The following ADGB variants were observed in gnomAD, a reference collection of about 807,000 sequenced individuals.
ADGB encodes androglobin, also known as calpain-7-like protein.
Under a neutral mutation model 210.5 loss-of-function variants are expected in ADGB, and 172 were observed. The observed-to-expected ratio is 0.82, with a 90% CI of 0.72 to 0.93. The LOEUF is 0.93. ADGB is among the 40% of genes least tolerant of loss of function. ADGB has a pLI of 0.00. For missense variants in ADGB, 2,025 were observed against 1,964.8 expected, an observed-to-expected ratio of 1.03 and a Z score of -0.58; for synonymous variants, 658 against 662.7, an observed-to-expected ratio of 0.99 and a Z score of 0.11.
At chr6:146,785,513 C>T in intron 31 of ADGB, 97 bp from the exon 32 acceptor site, 1 of 825,722 alleles carries the variant, frequency 1.2e-6, no homozygotes, top group Non-Finnish European at 1.9e-6. Flanking sequence ...TCACATTTTC[C>T]TGTTTCGTTT....
chr6:146,648,775 A>C (rs2114876342), intron 3 of ADGB, among the ~76,000 whole-genome samples: 1 of 151,952 alleles, frequency 6.6e-6, no homozygotes, highest in South Asian at 2.1e-4. Flanking sequence ...ATAACCCCTA[A>C]ATTATATAAA....
At chr6:146,622,865 A>G (rs1327499422) in intron 1 of ADGB, among the ~76,000 whole-genome samples, 1 of 152,080 alleles carries the variant, frequency 6.6e-6, no homozygotes, top group Non-Finnish European at 1.5e-5. Flanking sequence ...ATTTCAGTAT[A>G]TTTGAATTTA....
chr6:146,691,444 A>ATATATT (rs1562275559), intron 11 of ADGB, among the ~76,000 whole-genome samples, 154 bp downstream of exon 11: 1 of 21,280 alleles, frequency 4.7e-5, no homozygotes, highest in Non-Finnish European at 7.0e-5. Context: ...ATATATATAA[A>ATATATT]AATATATATA....
At chr6:146,753,083 A>G (rs1457592777) in intron 27 of ADGB, among the ~76,000 whole-genome samples, 2 of 152,124 alleles carry the variant, frequency 1.3e-5, no homozygotes, top group Non-Finnish European at 2.9e-5. Flanking sequence ...CTTGCAATAT[A>G]TTATTCTCAA....
At chr6:146,669,793 A>G (rs1051066776) in intron 7 of ADGB, among the ~76,000 whole-genome samples, 1 of 152,068 alleles carries the variant, frequency 6.6e-6, no homozygotes, top group Non-Finnish European at 1.5e-5. Flanking sequence ...CCCGAACTCT[A>G]GACTGTATTT....
At chr6:146,644,738 A>G (rs1306843388) in intron 2 of ADGB, 35 bp from the exon 3 acceptor site, 23 of 1,191,968 alleles carry the variant, frequency 1.9e-5, no homozygotes, top group Non-Finnish European at 2.6e-5. Context: ...TTAATAAAAG[A>G]ATATGCAGAA....
chr6:146,640,252 A>G (rs1477250104), intron 2 of ADGB, among the ~76,000 whole-genome samples: 2 of 152,008 alleles, frequency 1.3e-5, no homozygotes, highest in Non-Finnish European at 2.9e-5. Flanking sequence ...AAGCTCTGAA[A>G]TGGAATCAGT....
At chr6:146,710,037 T>G (rs1776638123) in intron 13 of ADGB, among the ~76,000 whole-genome samples, 1 of 151,840 alleles carries the variant, frequency 6.6e-6, no homozygotes, top group Non-Finnish European at 1.5e-5. Context: ...AACAATTTTT[T>G]TATTTTTAAT....
chr6:146,672,169 G>T (rs1776018447), intron 7 of ADGB, 51 bp from the exon 8 acceptor site: 3 of 1,447,346 alleles, frequency 2.1e-6, no homozygotes, highest in Middle Eastern at 1.8e-4. Context: ...CGAAGTTCAA[G>T]GAAAAAAAAA....
intron 29 of ADGB, among the ~76,000 whole-genome samples, chr6:146,777,161 G>C (rs534524618): frequency 6.6e-6 from 1 of 151,806 alleles, no homozygotes; most frequent in Non-Finnish European, 1.5e-5. Context: ...TTGCTAATGG[G>C]GTGATTTACA....
chr6:146,739,166 A>T (rs2114595796), intron 23 of ADGB, among the ~76,000 whole-genome samples: 1 of 152,310 alleles, frequency 6.6e-6, no homozygotes, highest in Non-Finnish European at 1.5e-5. Flanking sequence ...GTCCTGTTAC[A>T]GTCAATTCCC....
chr6:146,766,308 T>G (rs1777572407), intron 28 of ADGB, among the ~76,000 whole-genome samples: 1 of 151,944 alleles, frequency 6.6e-6, no homozygotes, highest in South Asian at 2.1e-4. Flanking sequence ...GTGTCTGTAA[T>G]CCCAGCTACT....
chr6:146,695,583 G>A (rs1469331445), intron 12 of ADGB, among the ~76,000 whole-genome samples: 1 of 151,502 alleles, frequency 6.6e-6, no homozygotes, highest in Non-Finnish European at 1.5e-5. Context: ...GGCACATGGG[G>A]CTATGTAAAA....
rs374579397 is a variant in ADGB at position 146,676,399 on chromosome 6, C to A, written c.1174C>A (p.Pro392Thr). The change falls in exon 9 of 36, where the codon CCC becomes ACC. Residue 392 changes from proline to threonine, a missense_variant. Physicochemically the swap from Pro to Thr is conservative, Grantham distance 38 (BLOSUM62 -1). Coordinates refer to ENST00000397944, the MANE Select transcript of ADGB (RefSeq NM_024694.4). ...CAAATTCTCACTTCATGGTTCAAGA[C>A]CCTCATCAGAAGTGCAGTACTCTGT... ...KFKFSLHGSR[P>T]SSEVQYSVQS... 1.9e-6 allele frequency: 3 copies of A among 1,546,816 alleles called. No individual in the cohort carries two copies. Among genetic ancestry groups the A allele is most frequent in the Non-Finnish European group, 1.7e-6 (2 of 1,144,102 alleles).
At chr6:146,666,771 T>C in intron 6 of ADGB, 45 bp from the exon 7 acceptor site, 1 of 1,263,426 alleles carries the variant, frequency 7.9e-7, no homozygotes, top group Non-Finnish European at 1.1e-6. Context: ...TCTTTATGTG[T>C]TTTCAAATTT....
At chr6:146,635,278 C>T (rs929732749) in intron 1 of ADGB, 97 bp from the exon 2 acceptor site, 1 of 1,137,066 alleles carries the variant, frequency 8.8e-7, no homozygotes, top group Non-Finnish European at 1.2e-6. Flanking sequence ...TAGTATGACT[C>T]AGCTGAGAAG....
At chr6:146,622,757 T>C (rs1243322209) in intron 1 of ADGB, among the ~76,000 whole-genome samples, 1 of 152,058 alleles carries the variant, frequency 6.6e-6, no homozygotes, top group Non-Finnish European at 1.5e-5. Flanking sequence ...TTTTACTTAA[T>C]GGAATTTGTC....
In ADGB at chr6:146,716,923, T is replaced by A. The variant is rs1293695728; in HGVS notation, c.1782T>A (p.His594Gln). ...EQTDFGLGDAHQSDGLNLERE... is the reference protein window; with the variant it reads ...EQTDFGLGDAQQSDGLNLERE... ...CAGACTTTGGATTGGGTGATGCTCA[T>A]CAGAGTGATGGATTAAACTTGGAAA... Residue 594 changes from histidine (H) to glutamine (Q), a missense_variant, in exon 15 of 36, where the codon CAT becomes CAA. By Grantham distance (24) the His-to-Gln change is conservative. Coordinates refer to ENST00000397944, the MANE Select transcript of ADGB (RefSeq NM_024694.4). The A allele has an allele frequency of 7.1e-6, 11 of 1,551,226 alleles. No homozygotes were observed. Among genetic ancestry groups the A allele is most frequent in the Non-Finnish European group, 9.6e-6 (11 of 1,146,810 alleles).
intron 35 of ADGB, among the ~76,000 whole-genome samples, chr6:146,806,369 T>C (rs1778212253): frequency 6.6e-6 from 1 of 152,190 alleles, no homozygotes; most frequent in Non-Finnish European, 1.5e-5. Context: ...TGATGTATAT[T>C]AAACTTATTT....
Sources: allele counts gnomAD v4.1 joint callset (sites outside exome capture counted in the v4.1 genomes callset), GRCh38; gene constraint gnomAD v4.1.1; transcripts MANE v1.5; gene names NCBI Gene and HGNC (gene_info 2026-07-23, HGNC 2026-07-21).